GRID2: variants seen among roughly 807,000 people sequenced by gnomAD.
GRID2 encodes the protein glutamate receptor ionotropic, delta-2.
Under a neutral mutation model 114.8 loss-of-function variants are expected in GRID2, and 33 were observed. The ratio of observed to expected loss-of-function variants is 0.29; its 90% CI spans 0.22 to 0.38. GRID2 has a LOEUF of 0.38. Among genes scored for constraint, GRID2 ranks in the 10% least tolerant of loss-of-function variants. The pLI is 1.00. For missense variants in GRID2, 1,184 were observed against 1,257.7 expected (o/e 0.94, Z 0.89); for synonymous variants, 505 against 449.9 (o/e 1.12, Z -1.55).
chr4:92,768,475 C>T (rs901143971), intron 2 of GRID2, among the ~76,000 whole-genome samples: 1 of 152,098 alleles, frequency 6.6e-6, no homozygotes, highest in Non-Finnish European at 1.5e-5. Flanking sequence ...TGTGCAAGTT[C>T]CTTAACATAG....
At chr4:92,600,337 A>C (rs1729167245) in intron 2 of GRID2, among the ~76,000 whole-genome samples, 1 of 151,794 alleles carries the variant, frequency 6.6e-6, no homozygotes, top group Non-Finnish European at 1.5e-5. Flanking sequence ...AGAGGATTAA[A>C]AATTAATACA....
intron 2 of GRID2, among the ~76,000 whole-genome samples, chr4:92,913,530 C>A (rs1748544641): frequency 6.6e-6 from 1 of 151,864 alleles, no homozygotes; most frequent in Non-Finnish European, 1.5e-5. Flanking sequence ...CTTCAAGAGA[C>A]CAATTTCCTG....
At chr4:93,151,992 T>A (rs1372760898) in intron 4 of GRID2, among the ~76,000 whole-genome samples, 1 of 152,244 alleles carries the variant, frequency 6.6e-6, no homozygotes, top group South Asian at 2.1e-4. Context: ...CTGTTTAATT[T>A]ATTTTTGCCT....
intron 2 of GRID2, among the ~76,000 whole-genome samples, chr4:92,652,020 T>C (rs1365866087): frequency 6.6e-6 from 1 of 152,114 alleles, no homozygotes; most frequent in Admixed American, 6.5e-5. Flanking sequence ...CACTTCTTCA[T>C]GTACTTACTT....
At chr4:93,558,333 C>G (rs529597003) in intron 13 of GRID2, among the ~76,000 whole-genome samples, 2 of 152,068 alleles carry the variant, frequency 1.3e-5, no homozygotes, top group African/African-American at 4.8e-5. Flanking sequence ...AATAGATAGA[C>G]TACTAGCCAG....
At chr4:93,649,595 A>G (rs183536438) in intron 14 of GRID2, among the ~76,000 whole-genome samples, 2 of 152,186 alleles carry the variant, frequency 1.3e-5, no homozygotes, top group African/African-American at 4.8e-5. Flanking sequence ...TAAAGTCTAT[A>G]GGTCTCTTGA....
At chr4:93,461,574 T>C (rs568868090) in intron 11 of GRID2, among the ~76,000 whole-genome samples, 3 of 152,062 alleles carry the variant, frequency 2.0e-5, no homozygotes, top group African/African-American at 7.2e-5. Context: ...AGCAGAAAAA[T>C]GTTAAATATA....
At chr4:93,356,546 A>G (rs112101205) in intron 8 of GRID2, among the ~76,000 whole-genome samples, 1,885 of 151,876 alleles carry the variant, frequency 0.012, 44 homozygotes, top group African/African-American at 0.043. Context: ...TACTTCATGT[A>G]TTTTTATTCT....
chr4:92,688,811 A>C (rs1466917439), intron 2 of GRID2, among the ~76,000 whole-genome samples: 1 of 152,288 alleles, frequency 6.6e-6, no homozygotes, highest in African/African-American at 2.4e-5. Flanking sequence ...TGGTATCTAG[A>C]ATGGTGAAAT....
chr4:93,628,651 G>A (rs896990466), intron 14 of GRID2, among the ~76,000 whole-genome samples: 3 of 152,120 alleles, frequency 2.0e-5, no homozygotes, highest in African/African-American at 7.2e-5. Flanking sequence ...AATGTTTAAT[G>A]CATGCTTAAC....
At chr4:93,520,559 T>G (rs1461033969) in intron 13 of GRID2, among the ~76,000 whole-genome samples, 3 of 151,838 alleles carry the variant, frequency 2.0e-5, no homozygotes, top group Non-Finnish European at 4.4e-5. Context: ...TGGAGAGAAA[T>G]GTCAAGAAGA....
At chr4:92,919,670 G>T (rs540376411) in intron 2 of GRID2, among the ~76,000 whole-genome samples, 1 of 152,170 alleles carries the variant, frequency 6.6e-6, no homozygotes, top group African/African-American at 2.4e-5. Flanking sequence ...TTTTGAGTGA[G>T]TTTCTTAATC....
chr4:93,169,471 G>A (rs758599161), intron 4 of GRID2, among the ~76,000 whole-genome samples: 2 of 152,066 alleles, frequency 1.3e-5, no homozygotes, highest in Non-Finnish European at 2.9e-5. Context: ...TAGCCCTAAT[G>A]TATTCAATAT....
intron 2 of GRID2, among the ~76,000 whole-genome samples, chr4:92,770,262 A>G (rs937919925): frequency 1.2e-4 from 19 of 152,186 alleles, no homozygotes; most frequent in African/African-American, 4.1e-4. Flanking sequence ...CCTCATCTCT[A>G]TCTGAGACTA....
At chr4:93,168,546 C>T (rs189599461) in intron 4 of GRID2, among the ~76,000 whole-genome samples, 7 of 152,032 alleles carry the variant, frequency 4.6e-5, no homozygotes, top group African/African-American at 1.7e-4. Context: ...TCATGGGATT[C>T]CATAAATTAA....
chr4:92,808,959 T>C (rs965866297), intron 2 of GRID2, among the ~76,000 whole-genome samples: 2 of 151,948 alleles, frequency 1.3e-5, no homozygotes, highest in Non-Finnish European at 2.9e-5. Flanking sequence ...CAAACAAATT[T>C]ACAAATCAAA....
chr4:92,497,700 C>A (rs1266654401), intron 1 of GRID2, among the ~76,000 whole-genome samples: 1 of 151,838 alleles, frequency 6.6e-6, no homozygotes, highest in Non-Finnish European at 1.5e-5. Context: ...TGCAGATCAT[C>A]ACTAATTATT....
intron 2 of GRID2, among the ~76,000 whole-genome samples, chr4:92,876,600 C>G (rs139580561): frequency 6.6e-6 from 1 of 152,076 alleles, no homozygotes; most frequent in Non-Finnish European, 1.5e-5. Context: ...CCACCGCACC[C>G]GGCCAAAAAC....
intron 14 of GRID2, among the ~76,000 whole-genome samples, chr4:93,679,737 A>G (rs1163472389): frequency 1.3e-5 from 2 of 151,104 alleles, no homozygotes; most frequent in Admixed American, 6.6e-5. Flanking sequence ...AACGAGAACA[A>G]AGACACAACA....
Sources: allele counts gnomAD v4.1 joint callset (sites outside exome capture counted in the v4.1 genomes callset), GRCh38; gene constraint gnomAD v4.1.1; transcripts MANE v1.5; gene names NCBI Gene and HGNC (gene_info 2026-07-23, HGNC 2026-07-21).